SDCCAG8: variants seen among roughly 807,000 people sequenced by gnomAD.
SDCCAG8 encodes the protein SHH signaling and ciliogenesis regulator SDCCAG8, also known as serologically defined colon cancer antigen 8.
Under a neutral mutation model 101.8 loss-of-function variants are expected in SDCCAG8, and 74 were observed. That is an observed-to-expected ratio of 0.73 (90% CI 0.60 to 0.88). The LOEUF (loss-of-function observed/expected upper bound fraction) is 0.88, where lower values mean the gene tolerates loss of function less well. Ranked by LOEUF, SDCCAG8 falls within the 40% of genes least tolerant of loss-of-function variation. The pLI is 0.00. For synonymous variants in SDCCAG8, 281 were observed against 292.9 expected (o/e 0.96, Z 0.41); for missense variants, 787 against 822.6 (o/e 0.96, Z 0.53).
intron 8 of SDCCAG8, 58 bp downstream of exon 8, chr1:243,308,235 A>T (rs1487444541): frequency 6.5e-7 from 1 of 1,533,664 alleles, no homozygotes; most frequent in African/African-American, 1.4e-5. Flanking sequence ...CTGCCTTTAA[A>T]GGGGCATTGT....
chr1:243,315,559 G>T (rs2073159652), intron 8 of SDCCAG8, among the ~76,000 whole-genome samples: 1 of 152,106 alleles, frequency 6.6e-6, no homozygotes, highest in African/African-American at 2.4e-5. Flanking sequence ...GCTAATAATT[G>T]TAACTTTGTT....
intron 13 of SDCCAG8, 63 bp from the exon 14 acceptor site, chr1:243,415,639 G>A (rs948309617): frequency 9.9e-6 from 16 of 1,609,784 alleles, no homozygotes; most frequent in Non-Finnish European, 1.0e-5. Flanking sequence ...GTCTATAGGG[G>A]ACATGATGGG....
At chr1:243,437,204 T>C (rs1183526413) in intron 16 of SDCCAG8, among the ~76,000 whole-genome samples, 2 of 152,226 alleles carry the variant, frequency 1.3e-5, no homozygotes, top group Admixed American at 6.5e-5. Context: ...ATTTTAAACA[T>C]TGAATATTAA....
At chr1:243,359,272 G>C (rs1353972037) in intron 12 of SDCCAG8, among the ~76,000 whole-genome samples, 2 of 152,158 alleles carry the variant, frequency 1.3e-5, no homozygotes, top group African/African-American at 4.8e-5. Flanking sequence ...GAACAGGCTT[G>C]CTCCATACTG....
At position 243,489,268 on chromosome 1, in the gene SDCCAG8, C is replaced by T. The variant is rs553352379; in HGVS notation, c.2112+128C>T. On this transcript the variant is annotated intron_variant, in intron 17 of 17. Coordinates refer to ENST00000366541, the MANE Select transcript of SDCCAG8 (RefSeq NM_006642.5). The stretch of plus-strand genomic sequence containing the variant: ...TTAGCAGTAAGCTGGGAGGGAGGTC[C>T]CGAAGACTGTGCTGGGCACAGTGCA... The T allele has an allele frequency of 2.0e-5, 26 of 1,277,746 alleles. No individual in the cohort carries two copies. In the Admixed American group the frequency reaches 3.6e-4, roughly 18 times the overall value. 79.2% of individuals were successfully genotyped at this position (1,277,746 alleles called of 1,614,324 possible).
At chr1:243,305,554 C>A (rs2072011695) in intron 7 of SDCCAG8, 1 of 151,868 alleles carries the variant, frequency 6.6e-6, no homozygotes, top group African/African-American at 2.4e-5. Flanking sequence ...TATTAGAGAT[C>A]CCAGTAAGAC....
chr1:243,484,673 A>T (rs1463154020), intron 16 of SDCCAG8, among the ~76,000 whole-genome samples: 1 of 152,124 alleles, frequency 6.6e-6, no homozygotes, highest in Non-Finnish European at 1.5e-5. Flanking sequence ...TCTCTCCTCC[A>T]TTGGCCGGGA....
intron 5 of SDCCAG8, among the ~76,000 whole-genome samples, chr1:243,292,479 G>A (rs1018493906): frequency 1.3e-5 from 2 of 152,142 alleles, no homozygotes; most frequent in Non-Finnish European, 2.9e-5. Flanking sequence ...TCTGTGTCAG[G>A]AACCAGGGAC....
chr1:243,368,057 A>T (rs759949498), intron 12 of SDCCAG8, among the ~76,000 whole-genome samples: 1 of 151,878 alleles, frequency 6.6e-6, no homozygotes, highest in African/African-American at 2.4e-5. Context: ...CTACAAAAAA[A>T]ATACAGAAAT....
At chr1:243,321,626 G>C (rs1392589628) in intron 9 of SDCCAG8, among the ~76,000 whole-genome samples, 1 of 152,018 alleles carries the variant, frequency 6.6e-6, no homozygotes, top group Middle Eastern at 3.2e-3. Flanking sequence ...TATCCAATCT[G>C]CCATTTATGG....
intron 6 of SDCCAG8, among the ~76,000 whole-genome samples, chr1:243,295,399 G>A (rs1007559418): frequency 3.9e-5 from 6 of 151,984 alleles, no homozygotes; most frequent in South Asian, 2.1e-4. Context: ...CACCATGCCC[G>A]GCTGATTTTT....
intron 3 of SDCCAG8, among the ~76,000 whole-genome samples, chr1:243,271,811 C>T (rs773251855): frequency 5.3e-5 from 8 of 151,948 alleles, no homozygotes; most frequent in Non-Finnish European, 8.8e-5. Flanking sequence ...CCCAAAGCAC[C>T]GGGATTATAG....
intron 16 of SDCCAG8, among the ~76,000 whole-genome samples, chr1:243,471,602 C>A (rs1227005463): frequency 6.6e-6 from 1 of 152,058 alleles, no homozygotes; most frequent in African/African-American, 2.4e-5. Flanking sequence ...GGCTGCCCTG[C>A]TATCAGGGGT....
intron 16 of SDCCAG8, among the ~76,000 whole-genome samples, chr1:243,455,715 C>T (rs2083690517): frequency 6.6e-6 from 1 of 152,168 alleles, no homozygotes; most frequent in Non-Finnish European, 1.5e-5. Context: ...TTTAAGCAAA[C>T]CCAACATATT....
chr1:243,427,525 G>GCGT (rs1448089664), intron 16 of SDCCAG8, among the ~76,000 whole-genome samples: 105 of 152,252 alleles, frequency 6.9e-4, no homozygotes, highest in African/African-American at 2.5e-3. Flanking sequence ...CCTTCCAGTG[G>GCGT]ACACGGTTCG....
chr1:243,296,877 C>A (rs1370323631), intron 6 of SDCCAG8, among the ~76,000 whole-genome samples: 1 of 152,130 alleles, frequency 6.6e-6, no homozygotes, highest in Non-Finnish European at 1.5e-5. Flanking sequence ...AGCCATCAGT[C>A]CTCATTGCTC....
intron 16 of SDCCAG8, among the ~76,000 whole-genome samples, chr1:243,445,731 G>A (rs2148111145): frequency 6.6e-6 from 1 of 152,268 alleles, no homozygotes; most frequent in African/African-American, 2.4e-5. Context: ...TTGGGAAACA[G>A]CCTTCATGCA....
chr1:243,337,017 C>T (rs1196815249), intron 10 of SDCCAG8, among the ~76,000 whole-genome samples: 2 of 152,040 alleles, frequency 1.3e-5, no homozygotes. Flanking sequence ...TCCCACTTGT[C>T]AATTGGTGGG....
At position 243,474,466 on chromosome 1, in the gene SDCCAG8, A is replaced by G. The variant is rs1661952944; in HGVS notation, c.1986-14548A>G. Among the ~76,000 whole-genome samples, 1 of 152,074 alleles carries G rather than the reference A, an allele frequency of 6.6e-6. No individual in the cohort carries two copies. Among genetic ancestry groups the G allele is most frequent in the Admixed American group, 6.5e-5 (1 of 15,282 alleles). On this transcript the variant is annotated intron_variant, in intron 16 of 17. Transcript: ENST00000366541. This position sits in a 1 kb window ranked among gnomAD's most constrained non-coding sequence, Gnocchi z 4.7. Reference sequence around the variant, plus strand: ...TCGGGACTCGGCCGAGCCCGGGCCTAGTATCCAGAGTCGAAGCAGCCGCCG... The same window carrying G: ...TCGGGACTCGGCCGAGCCCGGGCCTGGTATCCAGAGTCGAAGCAGCCGCCG...
Sources: allele counts gnomAD v4.1 joint callset (sites outside exome capture counted in the v4.1 genomes callset), GRCh38; gene constraint gnomAD v4.1.1; non-coding constraint Gnocchi (gnomAD v3.1); transcripts MANE v1.5; gene names NCBI Gene and HGNC (gene_info 2026-07-23, HGNC 2026-07-21).